PPARG: variants seen among roughly 807,000 people sequenced by gnomAD.
PPARG encodes peroxisome proliferator-activated receptor gamma.
PPARG carries 17 observed loss-of-function variants against 39.2 expected under a neutral mutation model. The ratio of observed to expected loss-of-function variants is 0.43; its 90% confidence interval spans 0.30 to 0.65. The LOEUF (loss-of-function observed/expected upper bound fraction) is 0.65. Ranked by LOEUF, PPARG falls within the 30% of genes least tolerant of loss-of-function variation. The pLI is 0.13. For synonymous variants in PPARG, 223 were observed against 215.7 expected (o/e 1.03, Z -0.30); for missense variants, 406 against 585.9 (o/e 0.69, Z 3.17).
In PPARG at chr3:12,335,835, GA is replaced by G. The variant is rs933537780; in HGVS notation, c.-9+23396del. On this transcript the variant is annotated intron_variant, in intron 2 of 7. Transcript: ENST00000651735. Reference sequence around the variant, plus strand: ...CATTAGAAGTAGAAGGCAATGTGGGGAAAAAAAAAAAAAACAAGAATGGCAG... The same window carrying G: ...CATTAGAAGTAGAAGGCAATGTGGGGAAAAAAAAAAAAACAAGAATGGCAG... 2.9e-3 allele frequency among the ~76,000 whole-genome samples: 434 copies of G among 147,142 alleles called. 3 individuals are homozygous for G. The highest frequency in any genetic ancestry group is 4.5e-3 in the Non-Finnish European group (299 of 66,076).
intron 2 of PPARG, among the ~76,000 whole-genome samples, chr3:12,348,826 A>G (rs1376415772): frequency 1.3e-5 from 2 of 152,146 alleles, no homozygotes; most frequent in African/African-American, 4.8e-5. Flanking sequence ...TGTACAAAGC[A>G]CCCTAAGCAA....
intron 4 of PPARG, among the ~76,000 whole-genome samples, chr3:12,387,097 A>G (rs1245858469): frequency 1.3e-5 from 2 of 152,058 alleles, no homozygotes; most frequent in African/African-American, 4.8e-5. Flanking sequence ...TATGTGCCAC[A>G]TTTTCTTAAT....
rs6787534 is a variant in PPARG, at chr3:12,306,941, A to C, written c.-82-5439A>C. Among the ~76,000 whole-genome samples the C allele has an allele frequency of 1.9e-3, 292 of 151,900 alleles. 1 individual carries two copies. The highest frequency in any genetic ancestry group is 2.1e-3 in the Non-Finnish European group (146 of 67,942). The stretch of plus-strand genomic sequence containing the variant: ...GTGTAACCCCATCTCTACTAAAAAT[A>C]CAAAAAATTAGCCGGGCGTGGTGGT... On this transcript the variant is annotated intron_variant, in intron 1 of 7. Transcript: ENST00000651735.
chr3:12,287,484 A>G (rs2046525547), upstream of PPARG: 1 of 152,240 alleles, frequency 6.6e-6, no homozygotes, highest in Admixed American at 6.5e-5. Flanking sequence ...TGGAAAGAAC[A>G]TCTTGGGAAG....
At chr3:12,350,699 A>T (rs1486606648) in intron 2 of PPARG, among the ~76,000 whole-genome samples, 1 of 152,220 alleles carries the variant, frequency 6.6e-6, no homozygotes, top group Non-Finnish European at 1.5e-5. Flanking sequence ...TAACAGCGTA[A>T]GTCTATTTTT....
chr3:12,304,585 T>A (rs1171536107), intron 1 of PPARG, among the ~76,000 whole-genome samples: 2 of 152,238 alleles, frequency 1.3e-5, no homozygotes, highest in Non-Finnish European at 2.9e-5. Context: ...GTAGAATATT[T>A]TGTTAAAATA....
Position 12,432,986 on chromosome 3 carries a change from T to A in PPARG, c.1181-912T>A, listed in dbSNP as rs1470671870. 2.0e-5 allele frequency among the ~76,000 whole-genome samples: 3 copies of A among 150,944 alleles called. No individual in the cohort carries two copies. The Admixed American group carries it at 2.0e-4, about 10-fold the overall frequency. ...ATTTGCAAATTGAACTAAAGAAAAA[T>A]CTAAAGAAGAACTAGTGAAAATTGC... On this transcript the variant is annotated intron_variant, in intron 7 of 7. Transcript: ENST00000651735.
chr3:12,362,892 A>G (rs985174390), intron 2 of PPARG, among the ~76,000 whole-genome samples: 7 of 152,108 alleles, frequency 4.6e-5, no homozygotes, highest in Admixed American at 4.6e-4. Context: ...AAAAAAAATT[A>G]TGAGTGAATG....
At chr3:12,360,981 C>T (rs530312765) in intron 2 of PPARG, among the ~76,000 whole-genome samples, 1 of 152,098 alleles carries the variant, frequency 6.6e-6, no homozygotes, top group East Asian at 1.9e-4. Context: ...GAGACGTTGC[C>T]AACAGTTCTG....
At chr3:12,358,983 C>T (rs183319073) in intron 2 of PPARG, among the ~76,000 whole-genome samples, 143 of 152,260 alleles carry the variant, frequency 9.4e-4, no homozygotes, top group African/African-American at 3.4e-3. Context: ...CTTGATCATC[C>T]CAATGGCTCC....
chr3:12,346,993 A>T (rs1229773427), intron 2 of PPARG, among the ~76,000 whole-genome samples: 1 of 152,086 alleles, frequency 6.6e-6, no homozygotes, highest in African/African-American at 2.4e-5. Context: ...ATGTCCATAA[A>T]ATATATTACT....
chr3:12,287,891 AC>A (rs1201047799), upstream of PPARG: 5 of 129,140 alleles, frequency 3.9e-5, no homozygotes, highest in Non-Finnish European at 5.0e-5. Context: ...GCTCGGCCCG[AC>A]CCGGCTCCGC....
chr3:12,429,834 G>A (rs979782936), intron 7 of PPARG, among the ~76,000 whole-genome samples: 13 of 152,314 alleles, frequency 8.5e-5, no homozygotes, highest in Middle Eastern at 3.4e-3. Context: ...GAGCAACTGC[G>A]AGGAAGACCC....
At chr3:12,382,002 A>G (rs945143006) in intron 4 of PPARG, among the ~76,000 whole-genome samples, 1 of 152,138 alleles carries the variant, frequency 6.6e-6, no homozygotes, top group Non-Finnish European at 1.5e-5. Context: ...ATATATGCAT[A>G]TCTTTGGATC....
chr3:12,399,054 T>C (rs553177487), intron 5 of PPARG, among the ~76,000 whole-genome samples: 1 of 152,290 alleles, frequency 6.6e-6, no homozygotes, highest in African/African-American at 2.4e-5. Context: ...ATCTGTGTAA[T>C]ATACCCAGTC....
rs932756736 is a variant in PPARG, at chr3:12,310,818, A to G, written c.-82-1562A>G. Among the ~76,000 whole-genome samples, 31 of 147,936 alleles carry G rather than the reference A, an allele frequency of 2.1e-4. 1 individual carries two copies. In the South Asian group the frequency reaches 6.1e-3, roughly 29 times the overall value. Reference sequence around the variant, plus strand: ...AAAAAAAAAAAAAAAAAAAAAAAAAAAAAAAACCCAAGTGGTAATCTGTCA... The same window carrying G: ...AAAAAAAAAAAAAAAAAAAAAAAAAGAAAAAACCCAAGTGGTAATCTGTCA... On this transcript the variant is annotated intron_variant, in intron 1 of 7. Coordinates refer to ENST00000651735, the MANE Select transcript of PPARG (RefSeq NM_138711.6).
At chr3:12,420,343 C>T (rs1400709696) in intron 7 of PPARG, among the ~76,000 whole-genome samples, 3 of 152,228 alleles carry the variant, frequency 2.0e-5, no homozygotes, top group African/African-American at 7.2e-5. Flanking sequence ...AGTTTTTCCT[C>T]CTATTCCAGA....
At chr3:12,393,754 T>A (rs1442666290) in intron 5 of PPARG, among the ~76,000 whole-genome samples, 2 of 152,152 alleles carry the variant, frequency 1.3e-5, no homozygotes, top group African/African-American at 4.8e-5. Flanking sequence ...ATATGTACTC[T>A]AAAGCATCTG....
At chr3:12,421,939 G>A (rs2051278017) in intron 7 of PPARG, among the ~76,000 whole-genome samples, 1 of 135,076 alleles carries the variant, frequency 7.4e-6, no homozygotes, top group Admixed American at 7.6e-5. Context: ...TGGGCAAGGA[G>A]AATAGGGTAG....
Sources: gnomAD v4.1 joint callset for allele counts (sites outside exome capture counted in the v4.1 genomes callset) on GRCh38, gnomAD v4.1.1 for gene constraint, MANE v1.5 for transcripts, NCBI Gene and HGNC (gene_info 2026-07-23, HGNC 2026-07-21) for gene names.